The following GLB1L variants were observed in gnomAD, a reference collection of about 807,000 sequenced individuals.
GLB1L encodes galactosidase beta 1 like.
In GLB1L, 58 loss-of-function variants were observed where a neutral mutation model predicts 75.7. The observed-to-expected ratio is 0.77, with a 90% CI of 0.62 to 0.95. The LOEUF (loss-of-function observed/expected upper bound fraction) is 0.95, where lower values mean the gene tolerates loss of function less well. Ranked by LOEUF, GLB1L falls within the 40% of genes least tolerant of loss-of-function variation. The probability of loss-of-function intolerance (pLI) is 0.00; values close to 1 mark genes in which losing one functional copy is unlikely to be tolerated. For missense variants in GLB1L, 797 were observed against 805.5 expected (o/e 0.99, Z 0.13); for synonymous variants, 296 against 303.0 (o/e 0.98, Z 0.24).
Position 219,238,482 on chromosome 2 carries a change from G to T in GLB1L, c.1227+13C>A, listed in dbSNP as rs1293470783. 8 of 1,611,566 alleles carry T rather than the reference G, an allele frequency of 5.0e-6. No homozygotes were observed. The Middle Eastern group carries it at 6.6e-4, about 133-fold the overall frequency. ...AGGTTGTCATCTCCACCAGATGTGG[G>T]TTTATGCCTTACCTGCTTGACAGCC... On this transcript the variant is annotated intron_variant, in intron 13 of 16. Coordinates refer to ENST00000295759, the MANE Select transcript of GLB1L (RefSeq NM_001286423.2).
Position 219,243,280 on chromosome 2 carries a change from T to G in GLB1L, c.107A>C (p.His36Pro). The part of the protein sequence containing the change: ...DTRSFVVDRG[H>P]DRFLLDGAPF... ...GGCCCCGTCTAGGAGAAACCGGTCA[T>G]GACCCCTATCCACTACGAACGACCG... Residue 36 changes from histidine (H) to proline (P), a missense_variant, in exon 3 of 17, where the codon CAT (histidine) becomes CCT (proline). Coordinates refer to ENST00000295759, the MANE Select transcript of GLB1L (RefSeq NM_001286423.2). 1 of 1,612,364 alleles carries G rather than the reference T, an allele frequency of 6.2e-7. No individual in the cohort carries two copies. The highest frequency in any genetic ancestry group is 8.5e-7 in the Non-Finnish European group (1 of 1,178,906).
intron 5 of GLB1L, 123 bp downstream of exon 5, chr2:219,242,391 T>C: frequency 2.6e-6 from 2 of 783,036 alleles, no homozygotes; most frequent in East Asian, 2.5e-5. Context: ...CTGCTGGGCA[T>C]GAAGGAAACA....
intron 5 of GLB1L, among the ~76,000 whole-genome samples, chr2:219,241,492 A>C (rs561893683): frequency 9.5e-5 from 14 of 147,486 alleles, no homozygotes; most frequent in African/African-American, 3.5e-4. Flanking sequence ...ATGTATAGAG[A>C]GAGCGAGAGA....
chr2:219,236,730 G>A lies in GLB1L; in HGVS notation c.*342C>T. Reference sequence around the variant, plus strand: ...ACCGTGGCCAGCACCAAGGGATCCTGCCCACTCCATGTCCCAGGTCCAAGG... The same window carrying A: ...ACCGTGGCCAGCACCAAGGGATCCTACCCACTCCATGTCCCAGGTCCAAGG... On this transcript the variant is annotated 3_prime_UTR_variant, in exon 17 of 17. Coordinates refer to ENST00000295759, the MANE Select transcript of GLB1L (RefSeq NM_001286423.2). 1 of 420,812 alleles carries A rather than the reference G, an allele frequency of 2.4e-6. No individual in the cohort carries two copies. The highest frequency in any genetic ancestry group is 4.2e-6 in the Non-Finnish European group (1 of 238,684). The allele number at this position is 420,812 out of a possible 1,614,324, so 26.1% of individuals were successfully genotyped here.
chr2:219,239,013 T>A (rs997708536), intron 11 of GLB1L, 79 bp downstream of exon 11: 31 of 1,047,380 alleles, frequency 3.0e-5, no homozygotes, highest in Admixed American at 6.1e-5. Flanking sequence ...CACCAATTTA[T>A]GGGATACCTT....
chr2:219,239,868 C>T (rs764142790), intron 7 of GLB1L, 35 bp from the exon 8 acceptor site: 13 of 1,613,984 alleles, frequency 8.1e-6, no homozygotes, highest in Non-Finnish European at 1.0e-5. Flanking sequence ...AGATAAATGT[C>T]GTGGAAGAGG....
rs540829039 is a variant in GLB1L, at chr2:219,242,730, A to C, written c.390+38T>G. ...GATGGGAGTAGTCTAGGAACTGCACAAGGATAACTGGTTCTATCCCTTCTC... is the reference window on the plus strand; with the variant it reads ...GATGGGAGTAGTCTAGGAACTGCACCAGGATAACTGGTTCTATCCCTTCTC... On this transcript the variant is annotated intron_variant, in intron 4 of 16. Coordinates refer to ENST00000295759, the MANE Select transcript of GLB1L (RefSeq NM_001286423.2). The C allele has an allele frequency of 5.6e-6, 9 of 1,611,938 alleles. No individual in the cohort carries two copies. In the East Asian group the frequency reaches 1.6e-4, roughly 28 times the overall value.
In GLB1L at chr2:219,240,046, T is replaced by G; in HGVS notation, c.595A>C (p.Arg199=). The change falls in exon 7 of 17, where the codon AGG becomes CGG. Residue 199 remains arginine, a synonymous_variant. Transcript: ENST00000295759. The part of the protein sequence containing the change: ...SYRACDFSYM[R]HLAGLFRALL... ...GCACGGAAGAGCCCAGCCAAGTGCC[T>G]CATGTAGCTGAAGTCACAGGCTCTG... 1 of 1,614,092 alleles carries G rather than the reference T, an allele frequency of 6.2e-7. No homozygotes were observed. The highest frequency in any genetic ancestry group is 8.5e-7 in the Non-Finnish European group (1 of 1,180,036).
At chr2:219,237,479 C>G in intron 16 of GLB1L, 33 bp downstream of exon 16, 1 of 1,609,270 alleles carries the variant, frequency 6.2e-7, no homozygotes, top group Non-Finnish European at 8.5e-7. Flanking sequence ...TCTTTTACCT[C>G]CCCGCTACCC....
intron 3 of GLB1L, 106 bp downstream of exon 3, chr2:219,243,042 C>A: frequency 6.5e-7 from 1 of 1,549,124 alleles, no homozygotes; most frequent in Non-Finnish European, 8.8e-7. Context: ...CCTTTCCCAC[C>A]CTTGGCCTAG....
intron 10 of GLB1L, 37 bp downstream of exon 10, chr2:219,239,374 C>A (rs769903171): frequency 7.1e-6 from 11 of 1,558,286 alleles, no homozygotes; most frequent in East Asian, 6.8e-5. Context: ...TTCCTTGTTA[C>A]CTCCCTGCTT....
chr2:219,237,905 C>T lies in GLB1L; in HGVS notation c.1394G>A (p.Gly465Glu). Residue 465 changes from glycine (G) to glutamate (E), a missense_variant, in exon 15 of 17, where the codon GGG (glycine) becomes GAG (glutamate). Gly to Glu is a moderately conservative substitution (Grantham distance 98, BLOSUM62 -2). Transcript: ENST00000295759. ...GATATCCAGTTTGGACCCCAGTTTC[C>T]CCGTCAAAAATAGTTTGTCTCTCAT... is the stretch of plus-strand genomic sequence containing the variant. ...RNMRDKLFLTGKLGSKLDILV... is the reference protein window; with the variant it reads ...RNMRDKLFLTEKLGSKLDILV... 6.2e-7 allele frequency: 1 copy of T among 1,614,142 alleles called. No individual in the cohort carries two copies. Among genetic ancestry groups the T allele is most frequent in the Non-Finnish European group, 8.5e-7 (1 of 1,180,020 alleles).
rs143504815 is a variant in GLB1L at position 219,243,274 on chromosome 2, C to T, written c.113G>A (p.Arg38Gln). 6.2e-7 allele frequency: 1 copy of T among 1,612,236 alleles called. No homozygotes were observed. Among genetic ancestry groups the T allele is most frequent in the Non-Finnish European group, 8.5e-7 (1 of 1,178,902 alleles). The stretch of plus-strand genomic sequence containing the variant: ...GAACGGGGCCCCGTCTAGGAGAAAC[C>T]GGTCATGACCCCTATCCACTACGAA... The part of the protein sequence containing the change: ...RSFVVDRGHD[R>Q]FLLDGAPFRY... Residue 38 changes from arginine (R) to glutamine (Q), a missense_variant, in exon 3 of 17, where the codon CGG becomes CAG. Transcript: ENST00000295759.
At chr2:219,243,848 T>C in intron 1 of GLB1L, 1 of 403,822 alleles carries the variant, frequency 2.5e-6, no homozygotes, top group South Asian at 2.4e-5. Flanking sequence ...GGCTCACGCC[T>C]GTAATCCCAA....
intron 3 of GLB1L, 93 bp downstream of exon 3, chr2:219,243,055 G>A: frequency 6.5e-7 from 1 of 1,540,338 alleles, no homozygotes; most frequent in Non-Finnish European, 8.8e-7. Flanking sequence ...TGGCCTAGGA[G>A]TCCTGGCAGT....
rs570532095 is a variant in GLB1L at position 219,242,515 on chromosome 2, T to C, written c.450A>G (p.Pro150=). 18 of 1,611,750 alleles carry C rather than the reference T, an allele frequency of 1.1e-5. No homozygotes were observed. Among genetic ancestry groups the C allele is most frequent in the Middle Eastern group, 1.6e-4 (1 of 6,062 alleles). Residue 150 remains proline, a splice_region_variant and synonymous_variant, in exon 5 of 17, where the codon CCA becomes CCG. Transcript: ENST00000295759. ...GTTAAATCCTTTGTCTCAACTCACC[T>C]GGATCTGAGGTTCTTAGATGAATTT... ...KPEIHLRTSD[P]DFLAAVDSWF...
Position 219,243,247 on chromosome 2 carries a change from C to A in GLB1L, c.140G>T (p.Arg47Leu). ...DRFLLDGAPF[R>L]YVSGSLHYFR... ...GTAGTGCAGGCTGCCAGACACATAG[C>A]GGAACGGGGCCCCGTCTAGGAGAAA... Residue 47 changes from arginine (R) to leucine (L), a missense_variant, in exon 3 of 17, where the codon CGC becomes CTC. Coordinates refer to ENST00000295759, the MANE Select transcript of GLB1L (RefSeq NM_001286423.2). The A allele has an allele frequency of 6.2e-7, 1 of 1,614,006 alleles. No homozygotes were observed. Among genetic ancestry groups the A allele is most frequent in the Non-Finnish European group, 8.5e-7 (1 of 1,179,886 alleles).
intron 14 of GLB1L, 138 bp from the exon 15 acceptor site, chr2:219,238,095 T>C: frequency 2.8e-6 from 3 of 1,080,026 alleles, no homozygotes; most frequent in Non-Finnish European, 4.1e-6. Flanking sequence ...TAGAATTCTA[T>C]CCTTAATCAA....
In GLB1L at chr2:219,239,892, G is replaced by A. The variant is rs1221857980; in HGVS notation, c.721+28C>T. 2.5e-6 allele frequency: 4 copies of A among 1,614,024 alleles called. No individual in the cohort carries two copies. The East Asian group carries it at 8.9e-5, about 36-fold the overall frequency. On this transcript the variant is annotated intron_variant, in intron 7 of 16. Coordinates refer to ENST00000295759, the MANE Select transcript of GLB1L (RefSeq NM_001286423.2). ...TCGTGGAAGAGGTGTCCTTTCCCCAGACTCCACTCCCAGCCCTTGCTTGAG... is the reference window on the plus strand; with the variant it reads ...TCGTGGAAGAGGTGTCCTTTCCCCAAACTCCACTCCCAGCCCTTGCTTGAG...
Sources: allele counts gnomAD v4.1 joint callset (sites outside exome capture counted in the v4.1 genomes callset), GRCh38; gene constraint gnomAD v4.1.1; transcripts MANE v1.5; gene names NCBI Gene and HGNC (gene_info 2026-07-23, HGNC 2026-07-21).